Variants in CEP170 observed in about 807,000 individuals in gnomAD.
The protein encoded by CEP170 is centrosomal protein of 170 kDa.
A neutral mutation model predicts 151.9 loss-of-function variants in CEP170; 21 were observed. That is an observed-to-expected ratio of 0.14 (90% CI 0.10 to 0.20). The LOEUF (loss-of-function observed/expected upper bound fraction) is 0.20. Ranked by LOEUF, CEP170 falls within the 10% of genes least tolerant of loss-of-function variation. The pLI, the probability that CEP170 is intolerant of heterozygous loss-of-function variation, is 1.00. For missense variants in CEP170, 964 were observed against 1,892.9 expected, an observed-to-expected ratio of 0.51 and a Z score of 9.11; for synonymous variants, 356 against 648.8, an observed-to-expected ratio of 0.55 and a Z score of 6.86.
intron 1 of CEP170, among the ~76,000 whole-genome samples, chr1:243,242,874 ATT>A (rs2064997150): frequency 6.6e-6 from 1 of 151,908 alleles, no homozygotes; most frequent in African/African-American, 2.4e-5. Flanking sequence ...CTAATTTTGT[ATT>A]TTTAGTAGAG....
intron 12 of CEP170, among the ~76,000 whole-genome samples, chr1:243,166,852 C>T (rs191956030): frequency 0.011 from 1,604 of 152,038 alleles, 16 homozygotes; most frequent in Middle Eastern, 0.02. Flanking sequence ...ATTAATATAT[C>T]CATTACCTCA....
At chr1:243,189,224 T>A (rs1259920686) in intron 8 of CEP170, among the ~76,000 whole-genome samples, 5 of 152,150 alleles carry the variant, frequency 3.3e-5, no homozygotes, top group Non-Finnish European at 5.9e-5. Context: ...CAAATGGGCT[T>A]GTGAGGACAG....
chr1:243,124,512 TAAG>T lies in CEP170; in HGVS notation c.*1934_*1936del, dbSNP rs1378714806. On this transcript the variant is annotated 3_prime_UTR_variant, in exon 20 of 20. Coordinates refer to ENST00000366542, the MANE Select transcript of CEP170 (RefSeq NM_014812.3). ...AAGTAATAAATGTAACAAAAATAAA[TAAG>T]GAGGATAATGTATTCATACAAAATA... The T allele has an allele frequency of 3.3e-5, 5 of 152,460 alleles. No individual in the cohort carries two copies. Among genetic ancestry groups the T allele is most frequent in the East Asian group, 1.9e-4 (1 of 5,198 alleles). 9.4% of individuals were successfully genotyped at this position (152,460 alleles called of 1,614,324 possible).
intron 14 of CEP170, among the ~76,000 whole-genome samples, chr1:243,152,679 G>T (rs927913681): frequency 5.3e-5 from 8 of 150,310 alleles, no homozygotes; most frequent in Non-Finnish European, 1.2e-4. Context: ...CTACAGGCAC[G>T]TACCACCATG....
At chr1:243,143,479 G>A (rs1474685301) in intron 14 of CEP170, among the ~76,000 whole-genome samples, 1 of 152,094 alleles carries the variant, frequency 6.6e-6, no homozygotes, top group Non-Finnish European at 1.5e-5. Context: ...AATCAAAGGT[G>A]AAAATAGAGA....
chr1:243,189,289 G>T (rs913297375), intron 8 of CEP170, among the ~76,000 whole-genome samples: 3 of 152,130 alleles, frequency 2.0e-5, no homozygotes, highest in Non-Finnish European at 4.4e-5. Flanking sequence ...AGGCGCGGTG[G>T]CTCACGCCTG....
At chr1:243,131,961 C>T (rs1189715870) in intron 17 of CEP170, among the ~76,000 whole-genome samples, 4 of 152,186 alleles carry the variant, frequency 2.6e-5, no homozygotes, top group Non-Finnish European at 4.4e-5. Flanking sequence ...CATGCGAACG[C>T]GGAGTTGCGA....
intron 1 of CEP170, among the ~76,000 whole-genome samples, chr1:243,231,187 CATCATTATTATT>C (rs2063720690): frequency 7.9e-6 from 1 of 127,368 alleles, no homozygotes; most frequent in South Asian, 2.3e-4. Flanking sequence ...TCATCATCAT[CATCATTATTATT>C]ATTATTATCA....
intron 11 of CEP170, among the ~76,000 whole-genome samples, chr1:243,170,851 A>G (rs2058789640): frequency 6.6e-6 from 1 of 152,226 alleles, no homozygotes; most frequent in Admixed American, 6.5e-5. Flanking sequence ...CCTCCTAAGG[A>G]TACCAAAGCC....
intron 12 of CEP170, among the ~76,000 whole-genome samples, chr1:243,168,585 G>A (rs982570764): frequency 6.6e-6 from 1 of 151,614 alleles, no homozygotes; most frequent in Admixed American, 6.6e-5. Context: ...TTTTTGTGAT[G>A]AGAACATCTA....
chr1:243,238,880 A>ATCT (rs1460599912), intron 1 of CEP170, among the ~76,000 whole-genome samples: 2 of 152,154 alleles, frequency 1.3e-5, no homozygotes, highest in Admixed American at 1.3e-4. Flanking sequence ...ACCTCTCAAT[A>ATCT]TCTTTGACCA....
intron 1 of CEP170, among the ~76,000 whole-genome samples, chr1:243,245,945 CA>C (rs576070175): frequency 5.2e-4 from 66 of 126,172 alleles, no homozygotes; most frequent in Admixed American, 4.1e-4. Context: ...GACCTCGTCT[CA>C]AAAAAAAAAA....
chr1:243,240,983 G>A (rs1281464586), intron 1 of CEP170, among the ~76,000 whole-genome samples: 8 of 152,094 alleles, frequency 5.3e-5, no homozygotes, highest in East Asian at 3.8e-4. Context: ...GTAAGCCACC[G>A]TGCCCAGCCA....
At chr1:243,204,508 G>T (rs1392298885) in intron 4 of CEP170, among the ~76,000 whole-genome samples, 2 of 152,184 alleles carry the variant, frequency 1.3e-5, no homozygotes, top group South Asian at 2.1e-4. Flanking sequence ...TGACTTACAT[G>T]ATTAAAATGA....
At chr1:243,223,514 T>C (rs1051331428) in intron 2 of CEP170, among the ~76,000 whole-genome samples, 1 of 152,192 alleles carries the variant, frequency 6.6e-6, no homozygotes, top group Non-Finnish European at 1.5e-5. Context: ...AACAACTTGT[T>C]TGAAATCTGG....
At chr1:243,238,191 A>G (rs914127264) in intron 1 of CEP170, among the ~76,000 whole-genome samples, 2 of 152,056 alleles carry the variant, frequency 1.3e-5, no homozygotes, top group African/African-American at 4.8e-5. Context: ...CAGCCAGCCT[A>G]AAGAACACTG....
Position 243,165,239 on chromosome 1 carries a change from T to C in CEP170, c.2721A>G (p.Lys907=). Residue 907 remains lysine, a synonymous_variant, in exon 13 of 20, where the codon AAA becomes AAG. Transcript: ENST00000366542. ...CATCAGTTTTATTATCTTCACGTAGTTTAGCTTCTAGAAAAGCCATTACTG... is the reference window on the plus strand; with the variant it reads ...CATCAGTTTTATTATCTTCACGTAGCTTAGCTTCTAGAAAAGCCATTACTG... ...TEAVMAFLEA[K]LREDNKTDEG... The C allele has an allele frequency of 6.3e-7, 1 of 1,589,300 alleles. No homozygotes were observed.
intron 1 of CEP170, chr1:243,253,363 G>C (rs2066121443): frequency 6.6e-6 from 1 of 152,200 alleles, no homozygotes. Flanking sequence ...AAGGGCTAGG[G>C]GGACACAGGA....
chr1:243,176,291 C>A (rs2059247250), intron 10 of CEP170, among the ~76,000 whole-genome samples: 1 of 151,982 alleles, frequency 6.6e-6, no homozygotes, highest in African/African-American at 2.4e-5. Context: ...CCCAAGTTTG[C>A]CAGTTTCTAA....
Sources: gnomAD v4.1 joint callset for allele counts (sites outside exome capture counted in the v4.1 genomes callset) on GRCh38, gnomAD v4.1.1 for gene constraint, MANE v1.5 for transcripts, NCBI Gene and HGNC (gene_info 2026-07-23, HGNC 2026-07-21) for gene names.